The following CCM2L variants were observed in gnomAD, a reference collection of about 807,000 sequenced individuals.
CCM2L encodes CCM2 like scaffold protein, also known as cerebral cavernous malformations 2 protein-like.
A neutral mutation model predicts 54.1 loss-of-function variants in CCM2L; 36 were observed. The observed-to-expected ratio is 0.67, with a 90% CI of 0.51 to 0.88. CCM2L has a LOEUF of 0.88. Ranked by LOEUF, CCM2L falls within the 40% of genes least tolerant of loss-of-function variation. The probability of loss-of-function intolerance (pLI) is 0.00; values close to 1 mark genes in which losing one functional copy is unlikely to be tolerated. For missense variants in CCM2L, 700 were observed against 812.1 expected (o/e 0.86, Z 1.68); for synonymous variants, 351 against 359.3 (o/e 0.98, Z 0.26).
chr20:32,015,352 C>A (rs1474568433), intron 2 of CCM2L, among the ~76,000 whole-genome samples: 2 of 152,042 alleles, frequency 1.3e-5, no homozygotes, highest in African/African-American at 4.8e-5. Context: ...CTTTTGTCAA[C>A]TGACATAACA....
chr20:32,018,053 G>A lies in CCM2L; in HGVS notation c.357G>A (p.Leu119=). The change falls in exon 4 of 10, where the codon CTG becomes CTA. Residue 119 remains leucine (L), a synonymous_variant. Transcript: ENST00000452892. ...SILSLSARCL[L]LTWRDNEELI... is the part of the protein sequence containing the mutation. ...TGAGCCTGTCTGCCCGCTGCCTGCT[G>A]CTCACCTGGCGCGACAATGAAGAGC... 1.2e-6 allele frequency: 2 copies of A among 1,613,744 alleles called. No individual in the cohort carries two copies. Among genetic ancestry groups the A allele is most frequent in the Non-Finnish European group, 1.7e-6 (2 of 1,180,006 alleles).
chr20:32,030,595 T>C (rs1216982216), intron 9 of CCM2L, among the ~76,000 whole-genome samples: 1 of 151,944 alleles, frequency 6.6e-6, no homozygotes, highest in African/African-American at 2.4e-5. Context: ...CCCAGCACTT[T>C]GGGAGGCTGA....
chr20:32,016,915 A>G (rs1179987628), intron 2 of CCM2L, among the ~76,000 whole-genome samples: 15 of 152,192 alleles, frequency 9.9e-5, no homozygotes, highest in Admixed American at 9.8e-4. Flanking sequence ...TGGGAGGCTG[A>G]GGCAGGCTGA....
At chr20:32,018,874 G>T (rs1298905533) in intron 4 of CCM2L, 69 bp from the exon 5 acceptor site, 10 of 1,240,508 alleles carry the variant, frequency 8.1e-6, no homozygotes, top group African/African-American at 1.6e-5. Context: ...GTGGCCAGCC[G>T]GCCTCGGCGG....
intron 2 of CCM2L, among the ~76,000 whole-genome samples, chr20:32,016,466 G>A (rs1378528497): frequency 3.3e-5 from 5 of 152,042 alleles, no homozygotes; most frequent in Non-Finnish European, 7.4e-5. Context: ...CCATCTTTTA[G>A]TAGAGATGGT....
In CCM2L at chr20:32,031,326, G is replaced by C; in HGVS notation, c.*12G>C. 1.1e-5 allele frequency: 14 copies of C among 1,260,690 alleles called. No individual in the cohort carries two copies. Among genetic ancestry groups the C allele is most frequent in the Non-Finnish European group, 1.4e-5 (14 of 974,870 alleles). The allele number at this position is 1,260,690 out of a possible 1,614,324, so 78.1% of individuals were successfully genotyped here. A position where few individuals can be genotyped will look rare whatever the true frequency, so the allele number is the denominator to read the frequency against. On this transcript the variant is annotated 3_prime_UTR_variant, in exon 10 of 10. Coordinates refer to ENST00000452892, the MANE Select transcript of CCM2L (RefSeq NM_001365692.1). ...ACAACTACCTGTAGCCACCGCCCCT[G>C]CGGACGGCGTGGCTCAGCAGCCCAC...
At chr20:32,028,680 G>A (rs1050456021) in intron 7 of CCM2L, 11 of 341,172 alleles carry the variant, frequency 3.2e-5, no homozygotes, top group South Asian at 1.7e-4. Flanking sequence ...TTAAGATCAC[G>A]GGATGAGTAA....
intron 6 of CCM2L, among the ~76,000 whole-genome samples, chr20:32,023,170 C>T (rs2064823041): frequency 6.6e-6 from 1 of 152,016 alleles, no homozygotes; most frequent in Non-Finnish European, 1.5e-5. Context: ...CGGGGTTTCA[C>T]CGTCTTGACC....
At chr20:32,013,711 A>C (rs570490342) in intron 1 of CCM2L, among the ~76,000 whole-genome samples, 1 of 152,012 alleles carries the variant, frequency 6.6e-6, no homozygotes, top group Non-Finnish European at 1.5e-5. Flanking sequence ...CAGCCTCCCA[A>C]AGTGCTAGGA....
chr20:32,020,388 T>C (rs1356344968), intron 5 of CCM2L, among the ~76,000 whole-genome samples: 2 of 152,190 alleles, frequency 1.3e-5, no homozygotes, highest in Admixed American at 6.5e-5. Flanking sequence ...TGGTTCCTCC[T>C]CTTCTTCAGA....
chr20:32,020,818 T>C (rs2064799011), intron 5 of CCM2L, among the ~76,000 whole-genome samples: 1 of 152,078 alleles, frequency 6.6e-6, no homozygotes. Flanking sequence ...AACCCGTCTC[T>C]ACGAAAAATA....
intron 8 of CCM2L, 117 bp from the exon 9 acceptor site, chr20:32,029,583 A>G (rs537146356): frequency 1.3e-4 from 168 of 1,302,272 alleles, no homozygotes; most frequent in Admixed American, 1.1e-3. Context: ...GCCCATGGGA[A>G]GGTTTTCAGA....
At chr20:32,029,308 G>A (rs535183251) in intron 8 of CCM2L, 184 bp downstream of exon 8, 6 of 743,804 alleles carry the variant, frequency 8.1e-6, no homozygotes, top group Admixed American at 5.7e-5. Flanking sequence ...ATGTCAGCTG[G>A]CATTAATTGA....
In CCM2L at chr20:32,025,889, A is replaced by G. The variant is rs1316030386; in HGVS notation, c.1103A>G (p.Tyr368Cys). The G allele has an allele frequency of 9.2e-6, 12 of 1,304,176 alleles. No individual in the cohort carries two copies. Among genetic ancestry groups the G allele is most frequent in the Admixed American group, 4.6e-5 (2 of 43,572 alleles). The allele number at this position is 1,304,176 out of a possible 1,614,324, so 80.8% of individuals were successfully genotyped here. ...ESCHTDGTYA[Y>C]DADFSCCSSF... is the part of the protein sequence containing the mutation. ...TGCCACACAGATGGGACGTATGCCT[A>G]TGATGCCGACTTCAGCTGCTGCAGC... is the stretch of plus-strand genomic sequence containing the variant. Residue 368 changes from tyrosine to cysteine, a missense_variant, in exon 7 of 10, where the codon TAT (tyrosine) becomes TGT (cysteine). By Grantham distance (194) the Tyr-to-Cys change is radical. Transcript: ENST00000452892.
At chr20:32,028,694 T>C (rs2064887083) in intron 7 of CCM2L, 1 of 386,208 alleles carries the variant, frequency 2.6e-6, no homozygotes, top group Admixed American at 3.9e-5. Flanking sequence ...TGAGTAAGAG[T>C]TAGCTGTGCA....
In CCM2L at chr20:32,032,176, T is replaced by G. The variant is rs1470277353; in HGVS notation, c.*862T>G. 6.6e-6 allele frequency: 1 copy of G among 152,240 alleles called. No homozygotes were observed. The highest frequency in any genetic ancestry group is 2.4e-5 in the African/African-American group (1 of 41,444). 9.4% of individuals were successfully genotyped at this position (152,240 alleles called of 1,614,324 possible). A position where few individuals can be genotyped will look rare whatever the true frequency, so the allele number is the denominator to read the frequency against. On this transcript the variant is annotated 3_prime_UTR_variant, in exon 10 of 10. Coordinates refer to ENST00000452892, the MANE Select transcript of CCM2L (RefSeq NM_001365692.1). ...TCAATAAATGTTGTTCCTTTCCACATCAAACATTTTATGACTCAGTTTACC... is the reference window on the plus strand; with the variant it reads ...TCAATAAATGTTGTTCCTTTCCACAGCAAACATTTTATGACTCAGTTTACC...
At chr20:32,014,084 G>A (rs2064717009) in intron 1 of CCM2L, among the ~76,000 whole-genome samples, 2 of 152,064 alleles carry the variant, frequency 1.3e-5, no homozygotes, top group African/African-American at 4.8e-5. Context: ...TTATGCAGGT[G>A]CCTCTGGATT....
chr20:32,023,134 T>A (rs937527322), intron 6 of CCM2L, among the ~76,000 whole-genome samples: 4 of 149,204 alleles, frequency 2.7e-5, no homozygotes, highest in Non-Finnish European at 6.0e-5. Context: ...ACCCAGCTAA[T>A]TTTTTTTTTG....
chr20:32,018,185 C>A (rs770865198), intron 4 of CCM2L, 23 bp downstream of exon 4: 35 of 352,848 alleles, frequency 9.9e-5, no homozygotes, highest in East Asian at 3.2e-4. Context: ...GGGGCGGGGG[C>A]GGGGGAGGGG....
Sources: gnomAD v4.1 joint callset for allele counts (sites outside exome capture counted in the v4.1 genomes callset) on GRCh38, gnomAD v4.1.1 for gene constraint, MANE v1.5 for transcripts, NCBI Gene and HGNC (gene_info 2026-07-23, HGNC 2026-07-21) for gene names.